Variants in ARHGAP10 observed in about 807,000 individuals in gnomAD.
The protein encoded by ARHGAP10 is rho GTPase-activating protein 10.
A neutral mutation model predicts 108.6 loss-of-function variants in ARHGAP10; 87 were observed. That is an observed-to-expected ratio of 0.80 (90% CI 0.67 to 0.96). The LOEUF is 0.96. ARHGAP10 is among the 40% of genes least tolerant of loss of function. ARHGAP10 has a pLI of 0.00. For missense variants in ARHGAP10, 939 were observed against 954.5 expected (o/e 0.98, Z 0.21); for synonymous variants, 347 against 341.1 (o/e 1.02, Z -0.19).
Position 147,798,722 on chromosome 4 carries a change from ACACTCTCTCTCTCTCTCTCT to A in ARHGAP10, c.155-24003_155-23984del, listed in dbSNP as rs1476973569. On this transcript the variant is annotated intron_variant, in intron 1 of 22. Coordinates refer to ENST00000336498, the MANE Select transcript of ARHGAP10 (RefSeq NM_024605.4). ...CATTACGTGAGGTCAGGAGTTTGAG[ACACTCTCTCTCTCTCTCTCT>A]CTCTCTCTCTCTCTCTCTCTCTCTC... 7.4e-4 allele frequency among the ~76,000 whole-genome samples: 80 copies of A among 107,420 alleles called. 6 individuals are homozygous for A. The highest frequency in any genetic ancestry group is 4.0e-3 in the African/African-American group (75 of 18,762). The allele number at this position is 107,420 out of a possible 152,430, so 70.5% of individuals were successfully genotyped here. A position where few individuals can be genotyped will look rare whatever the true frequency, so the allele number is the denominator to read the frequency against.
At chr4:147,913,567 C>G (rs1736841113) in intron 13 of ARHGAP10, among the ~76,000 whole-genome samples, 1 of 152,088 alleles carries the variant, frequency 6.6e-6, no homozygotes, top group Non-Finnish European at 1.5e-5. Flanking sequence ...GCCTTTTTTC[C>G]TTTGCACCCA....
At chr4:147,888,580 T>C (rs1735667222) in intron 10 of ARHGAP10, among the ~76,000 whole-genome samples, 1 of 152,242 alleles carries the variant, frequency 6.6e-6, no homozygotes, top group South Asian at 2.1e-4. Flanking sequence ...TTGGTTAACT[T>C]GGAAAATAAT....
intron 1 of ARHGAP10, among the ~76,000 whole-genome samples, chr4:147,749,792 C>T (rs149472806): frequency 3.3e-5 from 5 of 152,242 alleles, no homozygotes; most frequent in Admixed American, 2.0e-4. Flanking sequence ...AGAACTGAGA[C>T]GGTCAAACTA....
rs565368660 is a variant in ARHGAP10, at chr4:147,963,021, T to C, written c.1451-2003T>C. Reference sequence around the variant, plus strand: ...ATAACTTTTTCCTCCTAATTAGTTCTTTTTCCTATTCTAATCCATCCTTTA... The same window carrying C: ...ATAACTTTTTCCTCCTAATTAGTTCCTTTTCCTATTCTAATCCATCCTTTA... On this transcript the variant is annotated intron_variant, in intron 16 of 22. Transcript: ENST00000336498. Among the ~76,000 whole-genome samples the C allele has an allele frequency of 5.9e-5, 9 of 152,312 alleles. No homozygotes were observed. In the South Asian group the frequency reaches 1.9e-3, roughly 32 times the overall value.
chr4:147,735,636 C>T (rs189970453), intron 1 of ARHGAP10, among the ~76,000 whole-genome samples: 20 of 152,012 alleles, frequency 1.3e-4, no homozygotes, highest in African/African-American at 4.6e-4. Flanking sequence ...CAGCAGAAGG[C>T]TGACATAATA....
chr4:147,896,271 G>A (rs558403550), intron 10 of ARHGAP10, among the ~76,000 whole-genome samples: 12 of 152,216 alleles, frequency 7.9e-5, no homozygotes, highest in African/African-American at 2.6e-4. Flanking sequence ...TCATAAATGT[G>A]TGTGTCATAT....
intron 1 of ARHGAP10, among the ~76,000 whole-genome samples, chr4:147,782,885 A>G (rs1432312186): frequency 1.4e-5 from 2 of 144,422 alleles, no homozygotes; most frequent in Non-Finnish European, 1.5e-5. Context: ...TAAAATATAT[A>G]TAACATATAT....
chr4:147,750,282 T>G (rs573975649), intron 1 of ARHGAP10, among the ~76,000 whole-genome samples: 21 of 152,004 alleles, frequency 1.4e-4, no homozygotes, highest in Admixed American at 7.2e-4. Flanking sequence ...CCTTGGAAGG[T>G]GTTGGAGGGT....
chr4:148,022,693 G>A (rs1578799657), intron 18 of ARHGAP10, among the ~76,000 whole-genome samples: 2 of 152,142 alleles, frequency 1.3e-5, no homozygotes, highest in African/African-American at 4.8e-5. Context: ...AATGAAAGGG[G>A]AAATAAAAGA....
intron 13 of ARHGAP10, among the ~76,000 whole-genome samples, chr4:147,926,805 G>C (rs894238830): frequency 3.9e-5 from 6 of 152,172 alleles, no homozygotes; most frequent in African/African-American, 1.4e-4. Context: ...GAAGGAAGAA[G>C]TCAGCTGTGC....
At chr4:147,766,828 A>T (rs62330673) in intron 1 of ARHGAP10, among the ~76,000 whole-genome samples, 8 of 24,108 alleles carry the variant, frequency 3.3e-4, no homozygotes, top group African/African-American at 5.8e-4. Flanking sequence ...ATATATATAT[A>T]TATATATATA....
At chr4:147,735,535 G>A (rs1728381173) in intron 1 of ARHGAP10, among the ~76,000 whole-genome samples, 5 of 152,190 alleles carry the variant, frequency 3.3e-5, no homozygotes, top group Non-Finnish European at 4.4e-5. Flanking sequence ...AGACTGGGAT[G>A]GATGGAGAGG....
intron 1 of ARHGAP10, among the ~76,000 whole-genome samples, chr4:147,744,143 CTG>C (rs1329395896): frequency 1.3e-5 from 2 of 152,196 alleles, no homozygotes; most frequent in Non-Finnish European, 2.9e-5. Flanking sequence ...GATGCGATGA[CTG>C]TAGTTAACAG....
At position 147,822,959 on chromosome 4, in the gene ARHGAP10, T is replaced by G. The variant is rs764058981; in HGVS notation, c.312+2T>G. 9 of 1,612,220 alleles carry G rather than the reference T, an allele frequency of 5.6e-6. No homozygotes were observed. In the East Asian group the frequency reaches 2.0e-4, roughly 36 times the overall value. ...CTGGAGGAACAGAGAGAAATTATGG[T>G]GAGTTGAGAGGGGTGTAAATTAATA... On this transcript the variant is annotated splice_donor_variant, in intron 3 of 22. Coordinates refer to ENST00000336498, the MANE Select transcript of ARHGAP10 (RefSeq NM_024605.4). LOFTEE classifies it high-confidence loss of function.
chr4:147,783,374 ATATAG>A lies in ARHGAP10; in HGVS notation c.155-39352_155-39348del, dbSNP rs1730646062. On this transcript the variant is annotated intron_variant, in intron 1 of 22. Transcript: ENST00000336498. ...CATTAAATTATGTATTGTATAATTT[ATATAG>A]CACACATTAAATTATGTATTGTATA... 1.4e-4 allele frequency among the ~76,000 whole-genome samples: 19 copies of A among 136,408 alleles called. 2 individuals are homozygous for A. Among genetic ancestry groups the A allele is most frequent in the African/African-American group, 4.6e-4 (17 of 37,342 alleles). 89.5% of individuals were successfully genotyped at this position (136,408 alleles called of 152,430 possible). A position where few individuals can be genotyped will look rare whatever the true frequency, so the allele number is the denominator to read the frequency against.
chr4:147,948,686 G>A (rs1738478954), intron 15 of ARHGAP10, among the ~76,000 whole-genome samples: 1 of 152,112 alleles, frequency 6.6e-6, no homozygotes, highest in South Asian at 2.1e-4. Flanking sequence ...GCCGGGCGCG[G>A]TGGCTCACGC....
At chr4:147,996,659 T>C (rs1740489536) in intron 18 of ARHGAP10, among the ~76,000 whole-genome samples, 2 of 152,232 alleles carry the variant, frequency 1.3e-5, no homozygotes, top group Admixed American at 1.3e-4. Flanking sequence ...TCATCCTCCC[T>C]GTACCCATTT....
chr4:147,897,588 A>G (rs1736047490), intron 10 of ARHGAP10, among the ~76,000 whole-genome samples: 1 of 152,186 alleles, frequency 6.6e-6, no homozygotes, highest in Non-Finnish European at 1.5e-5. Flanking sequence ...AATAATCATA[A>G]TATCTGCCTT....
chr4:147,892,578 G>C (rs1402315523), intron 10 of ARHGAP10, among the ~76,000 whole-genome samples: 2 of 6,570 alleles, frequency 3.0e-4, no homozygotes, highest in Non-Finnish European at 2.6e-3. Context: ...GCATGGGGGA[G>C]TGTGGGGTTG....
Sources: allele counts gnomAD v4.1 joint callset (sites outside exome capture counted in the v4.1 genomes callset), GRCh38; gene constraint gnomAD v4.1.1; transcripts MANE v1.5; gene names NCBI Gene and HGNC (gene_info 2026-07-23, HGNC 2026-07-21).